Variants in MED13L observed in about 807,000 individuals in gnomAD.
MED13L encodes mediator of RNA polymerase II transcription subunit 13-like.
MED13L carries 7 observed loss-of-function variants against 220.9 expected under a neutral mutation model. The observed-to-expected ratio is 0.03, with a 90% CI of 0.02 to 0.06. MED13L has a LOEUF of 0.06. Ranked by LOEUF, MED13L falls within the 10% of genes least tolerant of loss-of-function variation. The probability of loss-of-function intolerance (pLI) is 1.00; values close to 1 mark genes in which losing one functional copy is unlikely to be tolerated. For missense variants in MED13L, 1,965 were observed against 2,760.5 expected (o/e 0.71, Z 6.46); for synonymous variants, 1,011 against 1,015.2 (o/e 1.00, Z 0.08).
intron 10 of MED13L, 154 bp downstream of exon 10, chr12:116,008,247 A>G: frequency 3.7e-6 from 4 of 1,085,114 alleles, no homozygotes; most frequent in Non-Finnish European, 5.2e-6. Context: ...AGTAGGACAA[A>G]GCATTTGACC....
chr12:116,168,794 C>A (rs776500794), intron 2 of MED13L, among the ~76,000 whole-genome samples: 1 of 152,134 alleles, frequency 6.6e-6, no homozygotes, highest in African/African-American at 2.4e-5. Flanking sequence ...CCCTTTATAA[C>A]TCTTAAAAAT....
chr12:116,186,450 T>G (rs1880908083), intron 2 of MED13L, among the ~76,000 whole-genome samples: 1 of 152,200 alleles, frequency 6.6e-6, no homozygotes, highest in Non-Finnish European at 1.5e-5. Flanking sequence ...CCTGTTTAGG[T>G]GCTTTATTAC....
At chr12:116,108,935 T>TAAATGTTAAC (rs1204771172) in intron 3 of MED13L, among the ~76,000 whole-genome samples, 4 of 152,060 alleles carry the variant, frequency 2.6e-5, no homozygotes, top group African/African-American at 7.2e-5. Context: ...GTCCTGTACT[T>TAAATGTTAAC]AAATGTTAAC....
intron 2 of MED13L, among the ~76,000 whole-genome samples, chr12:116,151,561 C>T (rs1878040665): frequency 6.6e-6 from 1 of 152,150 alleles, no homozygotes; most frequent in Non-Finnish European, 1.5e-5. Context: ...TGGGAAGGAT[C>T]CTACACAGTG....
At position 116,019,212 on chromosome 12, in the gene MED13L, G is replaced by A. The variant is rs113214439; in HGVS notation, c.1009+12C>T. Reference sequence around the variant, plus strand: ...ATCTCTTCTCCCCAGGACACTCCTGGATCCTACTCACCTAGGATAGCCTGT... The same window carrying A: ...ATCTCTTCTCCCCAGGACACTCCTGAATCCTACTCACCTAGGATAGCCTGT... On this transcript the variant is annotated intron_variant, in intron 7 of 30. Transcript: ENST00000281928. The A allele has an allele frequency of 1.2e-6, 2 of 1,611,450 alleles. No individual in the cohort carries two copies.
chr12:115,974,123 G>A (rs534738253), intron 25 of MED13L, among the ~76,000 whole-genome samples: 91 of 152,072 alleles, frequency 6.0e-4, no homozygotes, highest in Non-Finnish European at 1.0e-3. Context: ...ATTTGTTTTT[G>A]TAAATAAAGT....
At chr12:116,065,613 T>C (rs1869859650) in intron 4 of MED13L, among the ~76,000 whole-genome samples, 1 of 152,190 alleles carries the variant, frequency 6.6e-6, no homozygotes. Flanking sequence ...GAAGAAAATA[T>C]GATTGCAATA....
intron 2 of MED13L, among the ~76,000 whole-genome samples, chr12:116,220,390 C>T (rs535111507): frequency 4.6e-5 from 7 of 152,226 alleles, no homozygotes; most frequent in African/African-American, 1.4e-4. Context: ...TCAAAATACA[C>T]GCGCTGGATT....
intron 2 of MED13L, among the ~76,000 whole-genome samples, chr12:116,224,231 G>A (rs559626157): frequency 1.3e-5 from 2 of 152,220 alleles, no homozygotes; most frequent in South Asian, 2.1e-4. Context: ...AGGCCCAAAT[G>A]TTCATTTTCA....
At position 115,991,824 on chromosome 12, in the gene MED13L, G is replaced by C; in HGVS notation, c.3130C>G (p.Pro1044Ala). The C allele has an allele frequency of 6.2e-7, 1 of 1,612,758 alleles. No individual in the cohort carries two copies. The highest frequency in any genetic ancestry group is 8.5e-7 in the Non-Finnish European group (1 of 1,179,982). The stretch of plus-strand genomic sequence containing the variant: ...CGTGGTGTGGGGACAGAGAAGCGAG[G>C]GGTTGCTGGAGATGGTAGGACTCCT... The part of the protein sequence containing the change: ...GAGVLPSPAT[P>A]RFSVPTPRTP... The change falls in exon 17 of 31, where the codon CCT becomes GCT. Residue 1044 changes from proline (P) to alanine (A), a missense_variant. Pro to Ala is a conservative substitution (Grantham distance 27). Coordinates refer to ENST00000281928, the MANE Select transcript of MED13L (RefSeq NM_015335.5). The surrounding 1 kb of genome is among the most constrained non-coding windows in gnomAD (Gnocchi z 7.7).
In MED13L at chr12:115,960,097, G is replaced by T. The variant is rs765279786; in HGVS notation, c.*1169C>A. Reference sequence around the variant, plus strand: ...CTTTAAAAAGGCATTTTTTTAAAAAGTCCCACCACAAAGGCTCAACTTCAA... The same window carrying T: ...CTTTAAAAAGGCATTTTTTTAAAAATTCCCACCACAAAGGCTCAACTTCAA... On this transcript the variant is annotated 3_prime_UTR_variant, in exon 31 of 31. Coordinates refer to ENST00000281928, the MANE Select transcript of MED13L (RefSeq NM_015335.5). 2 of 152,526 alleles carry T rather than the reference G, an allele frequency of 1.3e-5. No individual in the cohort carries two copies. Among genetic ancestry groups the T allele is most frequent in the Non-Finnish European group, 2.9e-5 (2 of 68,002 alleles). The allele number at this position is 152,526 out of a possible 1,614,324, so 9.4% of individuals were successfully genotyped here.
intron 27 of MED13L, 151 bp downstream of exon 27, chr12:115,970,443 A>C (rs1428063159): frequency 4.6e-5 from 34 of 744,678 alleles, no homozygotes; most frequent in Non-Finnish European, 1.1e-5. Context: ...AAGCTTTAAG[A>C]CCAAATAGAT....
chr12:116,105,857 T>G (rs999991260), intron 3 of MED13L, among the ~76,000 whole-genome samples: 3 of 152,224 alleles, frequency 2.0e-5, no homozygotes, highest in African/African-American at 7.2e-5. Flanking sequence ...TACTGAAAGA[T>G]GATACCTTGT....
intron 3 of MED13L, 100 bp from the exon 4 acceptor site, chr12:116,096,852 ACAC>A (rs1159061019): frequency 1.1e-5 from 9 of 836,872 alleles, no homozygotes; most frequent in Middle Eastern, 2.5e-4. Flanking sequence ...AAAAATAAAA[ACAC>A]CACCAATTAA....
chr12:116,194,855 C>T, intron 2 of MED13L, among the ~76,000 whole-genome samples: 1 of 152,116 alleles, frequency 6.6e-6, no homozygotes, highest in East Asian at 1.9e-4. Flanking sequence ...CTGGAGAAGA[C>T]ATTTTAAAGA....
intron 25 of MED13L, 78 bp from the exon 26 acceptor site, chr12:115,972,314 G>T (rs1023546172): frequency 2.6e-6 from 4 of 1,555,160 alleles, no homozygotes; most frequent in Admixed American, 1.7e-5. Context: ...TAGCAGTTCT[G>T]CCCGGTAATT....
intron 1 of MED13L, among the ~76,000 whole-genome samples, chr12:116,275,209 AAT>A (rs1054237129): frequency 1.3e-5 from 2 of 152,110 alleles, no homozygotes; most frequent in African/African-American, 4.8e-5. Context: ...CCCCTTGATC[AAT>A]ATGTTTGCTA....
chr12:116,135,164 G>A (rs55797727), intron 2 of MED13L, among the ~76,000 whole-genome samples: 2,619 of 152,204 alleles, frequency 0.017, 28 homozygotes, highest in Middle Eastern at 0.041. Flanking sequence ...GCGAGACCCC[G>A]TCTCAAACAA....
At chr12:115,996,036 T>C (rs973352414) in intron 16 of MED13L, among the ~76,000 whole-genome samples, 1 of 152,182 alleles carries the variant, frequency 6.6e-6, no homozygotes, top group Admixed American at 6.5e-5. Flanking sequence ...CACAAAAACA[T>C]GAACGACCAA....
Sources: gnomAD v4.1 joint callset for allele counts (sites outside exome capture counted in the v4.1 genomes callset) on GRCh38, gnomAD v4.1.1 for gene constraint, Gnocchi (gnomAD v3.1) non-coding constraint, MANE v1.5 for transcripts, NCBI Gene and HGNC (gene_info 2026-07-23, HGNC 2026-07-21) for gene names.